The following TRERF1 variants were observed in gnomAD, a reference collection of about 807,000 sequenced individuals.
The protein encoded by TRERF1 is transcriptional regulating factor 1.
Under a neutral mutation model 122.9 loss-of-function variants are expected in TRERF1, and 27 were observed. The ratio of observed to expected loss-of-function variants is 0.22; its 90% CI spans 0.16 to 0.30. TRERF1 has a LOEUF of 0.30. Ranked by LOEUF, TRERF1 falls within the 10% of genes least tolerant of loss-of-function variation. TRERF1 has a pLI of 1.00. For synonymous variants in TRERF1, 636 were observed against 641.7 expected (o/e 0.99, Z 0.13); for missense variants, 1,248 against 1,560.3 (o/e 0.80, Z 3.37).
chr6:42,380,669 C>T (rs749041744), intron 2 of TRERF1, among the ~76,000 whole-genome samples: 1 of 152,222 alleles, frequency 6.6e-6, no homozygotes, highest in Non-Finnish European at 1.5e-5. Context: ...GCCTGCCCCA[C>T]CTTATAGCAA....
At chr6:42,314,973 T>C (rs538841248) in intron 3 of TRERF1, among the ~76,000 whole-genome samples, 2 of 152,312 alleles carry the variant, frequency 1.3e-5, no homozygotes, top group East Asian at 1.9e-4. Context: ...GAGGTGTCAG[T>C]TGAGCTGAGA....
rs779951565 is a variant in TRERF1, at chr6:42,269,316, C to T, written c.275G>A (p.Gly92Glu). The T allele has an allele frequency of 6.2e-7, 1 of 1,614,174 alleles. No homozygotes were observed. Among genetic ancestry groups the T allele is most frequent in the Non-Finnish European group, 8.5e-7 (1 of 1,180,016 alleles). The stretch of plus-strand genomic sequence containing the variant: ...GTTTCCACGTAGCTGGACATGGTTT[C>T]CAGGCCCTGCATGACTTCCCCACCC... The change falls in exon 5 of 18, where the codon GGA becomes GAA. Residue 92 changes from glycine to glutamate, a missense_variant. Coordinates refer to ENST00000372922, the Ensembl canonical transcript of TRERF1. This position sits in a 1 kb window ranked among gnomAD's most constrained non-coding sequence, Gnocchi z 4.9.
At chr6:42,323,015 C>T (rs1763698693) in intron 3 of TRERF1, among the ~76,000 whole-genome samples, 2 of 151,804 alleles carry the variant, frequency 1.3e-5, no homozygotes, top group Admixed American at 1.3e-4. Context: ...ATAACTAGCA[C>T]CTATTCTCAC....
chr6:42,373,904 G>A (rs2151066472), intron 2 of TRERF1, among the ~76,000 whole-genome samples: 1 of 152,008 alleles, frequency 6.6e-6, no homozygotes. Context: ...GGAGGCCAAG[G>A]TGGGCAGACC....
intron 14 of TRERF1, among the ~76,000 whole-genome samples, chr6:42,244,096 G>A (rs34380608): frequency 0.057 from 8,648 of 152,056 alleles, 333 homozygotes; most frequent in East Asian, 0.11. Flanking sequence ...GGCCAGGCTA[G>A]TCTCGAACTC....
chr6:42,438,927 G>A (rs1264214058), intron 2 of TRERF1, among the ~76,000 whole-genome samples: 1 of 152,166 alleles, frequency 6.6e-6, no homozygotes, highest in African/African-American at 2.4e-5. Context: ...GGAGGGGAGG[G>A]GAAGGAGGGC....
intron 2 of TRERF1, among the ~76,000 whole-genome samples, chr6:42,408,262 TGTGTATGTATATATACATACAC>T (rs1780538946): frequency 1.4e-5 from 2 of 142,158 alleles, no homozygotes; most frequent in African/African-American, 5.2e-5. Flanking sequence ...TACACATGTG[TGTGTATGTATATATACATACAC>T]ATGTGTGTGT....
intron 2 of TRERF1, among the ~76,000 whole-genome samples, chr6:42,433,513 C>A (rs1784801274): frequency 6.6e-6 from 1 of 152,034 alleles, no homozygotes; most frequent in Non-Finnish European, 1.5e-5. Flanking sequence ...TCAGGGCCTA[C>A]CAAGGCCTTC....
intron 2 of TRERF1, among the ~76,000 whole-genome samples, chr6:42,450,808 G>A (rs988189162): frequency 2.0e-5 from 3 of 152,196 alleles, no homozygotes; most frequent in Non-Finnish European, 2.9e-5. Flanking sequence ...GCCCGCAGGC[G>A]CGTATACATA....
chr6:42,250,983 C>A (rs1181280588), intron 13 of TRERF1, among the ~76,000 whole-genome samples: 40 of 137,886 alleles, frequency 2.9e-4, no homozygotes, highest in Admixed American at 2.2e-3. Context: ...TTTTTCTTTT[C>A]TTTTGCTTCT....
intron 4 of TRERF1, among the ~76,000 whole-genome samples, chr6:42,270,558 G>A (rs1361485336): frequency 6.6e-6 from 1 of 152,142 alleles, no homozygotes; most frequent in Non-Finnish European, 1.5e-5. Flanking sequence ...CTAAGACATA[G>A]GCCTGCTCTC....
chr6:42,430,544 G>A (rs553759077), intron 2 of TRERF1, among the ~76,000 whole-genome samples: 38 of 151,936 alleles, frequency 2.5e-4, no homozygotes, highest in African/African-American at 3.6e-4. Context: ...GAAGTCAGGA[G>A]CTTGAGACCA....
At chr6:42,323,310 T>G (rs1763759536) in intron 3 of TRERF1, among the ~76,000 whole-genome samples, 1 of 152,048 alleles carries the variant, frequency 6.6e-6, no homozygotes, top group Middle Eastern at 3.4e-3. Flanking sequence ...ACGATTCTTC[T>G]GCCTCAGTCT....
intron 13 of TRERF1, 44 bp from the exon 14 acceptor site, chr6:42,246,588 C>T (rs1295713719): frequency 7.0e-7 from 1 of 1,431,338 alleles, no homozygotes; most frequent in Admixed American, 2.1e-5. Flanking sequence ...CACAGTTCCC[C>T]CTGCTTTTAG....
At chr6:42,237,813 A>G (rs1010160598) in intron 15 of TRERF1, among the ~76,000 whole-genome samples, 18 of 152,360 alleles carry the variant, frequency 1.2e-4, no homozygotes, top group African/African-American at 4.3e-4. Flanking sequence ...CAATGCCAGT[A>G]TGTATGTGGC....
intron 3 of TRERF1, among the ~76,000 whole-genome samples, chr6:42,337,781 T>A (rs1023797534): frequency 3.3e-5 from 5 of 152,202 alleles, no homozygotes; most frequent in Non-Finnish European, 7.3e-5. Flanking sequence ...TTCTCAACCT[T>A]GGCATATGAA....
intron 15 of TRERF1, among the ~76,000 whole-genome samples, chr6:42,238,815 CCTG>C (rs1421926606): frequency 6.8e-6 from 1 of 146,826 alleles, no homozygotes; most frequent in African/African-American, 2.5e-5. Flanking sequence ...ACATTGAATG[CCTG>C]CTGAGAATCA....
chr6:42,396,804 C>A (rs1778670154), intron 2 of TRERF1, among the ~76,000 whole-genome samples: 1 of 152,198 alleles, frequency 6.6e-6, no homozygotes, highest in South Asian at 2.1e-4. Flanking sequence ...AGGAGAATTA[C>A]AAGTACCCCA....
At chr6:42,287,149 G>C (rs1783390644) in intron 4 of TRERF1, among the ~76,000 whole-genome samples, 1 of 115,054 alleles carries the variant, frequency 8.7e-6, no homozygotes, top group African/African-American at 3.3e-5. Context: ...TTGTGGGGTG[G>C]GGGGAGGGGG....
Sources: allele counts gnomAD v4.1 joint callset (sites outside exome capture counted in the v4.1 genomes callset), GRCh38; gene constraint gnomAD v4.1.1; non-coding constraint Gnocchi (gnomAD v3.1); transcripts MANE v1.5; gene names NCBI Gene and HGNC (gene_info 2026-07-23, HGNC 2026-07-21).